Variants in TRIM36 observed in about 807,000 individuals in gnomAD.
The protein encoded by TRIM36 is E3 ubiquitin-protein ligase TRIM36.
A neutral mutation model predicts 72.4 loss-of-function variants in TRIM36; 42 were observed. The observed-to-expected ratio is 0.58, with a 90% confidence interval of 0.45 to 0.75. TRIM36 has a LOEUF of 0.75. TRIM36 is among the 30% of genes least tolerant of loss of function. TRIM36 has a pLI of 0.00. For missense variants in TRIM36, 913 were observed against 857.1 expected (o/e 1.07, Z -0.81); for synonymous variants, 315 against 282.8 (o/e 1.11, Z -1.14).
intron 2 of TRIM36, among the ~76,000 whole-genome samples, chr5:115,157,994 G>C (rs1214455115): frequency 6.6e-6 from 1 of 152,114 alleles, no homozygotes; most frequent in Non-Finnish European, 1.5e-5. Context: ...AGGGACAAAA[G>C]ACTACAAATA....
intron 2 of TRIM36, among the ~76,000 whole-genome samples, chr5:115,150,135 T>C (rs556830855): frequency 6.6e-6 from 1 of 152,224 alleles, no homozygotes; most frequent in East Asian, 1.9e-4. Flanking sequence ...ATTGTTTTCA[T>C]AAAAACAAAC....
chr5:115,170,052 G>T (rs1197486915), upstream of TRIM36: 28 of 901,978 alleles, frequency 3.1e-5, no homozygotes, highest in Non-Finnish European at 1.5e-5. Flanking sequence ...TGTCTGAGTG[G>T]TAGGCTGAGC....
chr5:115,134,126 T>G lies in TRIM36; in HGVS notation c.1232A>C (p.Asn411Thr). ...GTTATAAACTTTGCTCTGTTCCTCA[T>G]TGATCTCTGGCACGTCTATGCCTGA... ...FSSGIDVPEI[N>T]EEQSKVYNNA... The change falls in exon 8 of 10, where the codon AAT (asparagine) becomes ACT (threonine). Residue 411 changes from asparagine to threonine, a missense_variant. Coordinates refer to ENST00000513154, the MANE Select transcript of TRIM36 (RefSeq NM_001300759.2). The G allele has an allele frequency of 6.3e-7, 1 of 1,599,388 alleles. No individual in the cohort carries two copies. The highest frequency in any genetic ancestry group is 8.5e-7 in the Non-Finnish European group (1 of 1,172,332).
intron 2 of TRIM36, among the ~76,000 whole-genome samples, chr5:115,147,648 C>T (rs1489686429): frequency 6.6e-6 from 1 of 151,846 alleles, no homozygotes; most frequent in African/African-American, 2.4e-5. Context: ...ACATAGAATC[C>T]ATATTAAATC....
At chr5:115,175,068 G>A (rs1235498306) in intron 1 of TRIM36, among the ~76,000 whole-genome samples, 1 of 150,194 alleles carries the variant, frequency 6.7e-6, no homozygotes, top group Non-Finnish European at 1.5e-5. Flanking sequence ...TAGTAAATAA[G>A]AACACAATAC....
intron 3 of TRIM36, among the ~76,000 whole-genome samples, chr5:115,146,219 T>C (rs969157409): frequency 2.0e-5 from 3 of 152,328 alleles, no homozygotes; most frequent in Admixed American, 2.0e-4. Flanking sequence ...ATAGCACAGA[T>C]TGTTTTTGCC....
At chr5:115,177,888 A>G (rs879062987) in intron 1 of TRIM36, 5 of 1,613,196 alleles carry the variant, frequency 3.1e-6, no homozygotes, top group South Asian at 1.1e-5. Context: ...GAAGAGAGAG[A>G]CAGAGAGAGA....
upstream of TRIM36, chr5:115,170,045 C>CT (rs2126948026): frequency 2.1e-6 from 2 of 938,294 alleles, no homozygotes; most frequent in Non-Finnish European, 2.6e-6. Flanking sequence ...GGCCGGGTGT[C>CT]TGAGTGGTAG....
At chr5:115,128,593 A>G (rs1176695214) in intron 9 of TRIM36, among the ~76,000 whole-genome samples, 2 of 147,624 alleles carry the variant, frequency 1.4e-5, no homozygotes, top group Admixed American at 1.4e-4. Flanking sequence ...TCTACTAAAA[A>G]TACAAAAAAT....
At chr5:115,127,261 A>C (rs1161881018) in intron 9 of TRIM36, among the ~76,000 whole-genome samples, 1 of 152,230 alleles carries the variant, frequency 6.6e-6, no homozygotes, top group Non-Finnish European at 1.5e-5. Flanking sequence ...TAAGACTATA[A>C]TGAAACTAAA....
chr5:115,127,635 C>T (rs1261513842), intron 9 of TRIM36, among the ~76,000 whole-genome samples: 6 of 152,158 alleles, frequency 3.9e-5, no homozygotes, highest in African/African-American at 1.4e-4. Context: ...TGTAGTGTAA[C>T]CCATTACATG....
At chr5:115,169,914 G>C, upstream of TRIM36, 1 of 1,286,982 alleles carries the variant, frequency 7.8e-7, no homozygotes. Context: ...ACTGCGGCTG[G>C]GAACGGCGCC....
chr5:115,165,414 G>A lies in TRIM36; in HGVS notation c.28-1662C>T, dbSNP rs113335447. On this transcript the variant is annotated intron_variant, in intron 1 of 9. Transcript: ENST00000513154. ...TACATCCTCTGAAATCTAGGCAGAGGTTTCCAAACCTCAACTCTTGACTTT... is the reference window on the plus strand; with the variant it reads ...TACATCCTCTGAAATCTAGGCAGAGATTTCCAAACCTCAACTCTTGACTTT... 3.0e-3 allele frequency among the ~76,000 whole-genome samples: 459 copies of A among 152,330 alleles called. 4 individuals are homozygous for A. Among genetic ancestry groups the A allele is most frequent in the African/African-American group, 0.011 (448 of 41,572 alleles).
intron 1 of TRIM36, among the ~76,000 whole-genome samples, chr5:115,164,979 C>G (rs1754683834): frequency 6.6e-6 from 1 of 152,344 alleles, no homozygotes; most frequent in African/African-American, 2.4e-5. Context: ...CCATGAAAGT[C>G]TGAAACCCAA....
intron 2 of TRIM36, among the ~76,000 whole-genome samples, chr5:115,157,831 G>A (rs1410596501): frequency 6.6e-6 from 1 of 152,178 alleles, no homozygotes; most frequent in Non-Finnish European, 1.5e-5. Context: ...GATGAGACTG[G>A]AGACTATTAT....
intron 1 of TRIM36, chr5:115,169,195 G>A (rs562041283): frequency 4.0e-5 from 7 of 173,730 alleles, no homozygotes; most frequent in Non-Finnish European, 7.3e-5. Context: ...GCAGCCGGCC[G>A]GGCCCGCGGG....
At position 115,144,663 on chromosome 5, in the gene TRIM36, T is replaced by C; in HGVS notation, c.670A>G (p.Lys224Glu). 1 of 1,614,138 alleles carries C rather than the reference T, an allele frequency of 6.2e-7. No individual in the cohort carries two copies. Among genetic ancestry groups the C allele is most frequent in the Non-Finnish European group, 8.5e-7 (1 of 1,180,016 alleles). ...TGGTTGGCATGATTACCACCCAACT[T>C]ACACAGATGGCAAACTGGCCTCCTA... ...LCRRPVCHLC[K>E]LGGNHANHRV... is the part of the protein sequence containing the mutation. The change falls in exon 4 of 10, where the codon AAG becomes GAG. Residue 224 changes from lysine to glutamate, a missense_variant. Coordinates refer to ENST00000513154, the MANE Select transcript of TRIM36 (RefSeq NM_001300759.2).
chr5:115,161,455 G>C (rs1379891700), intron 2 of TRIM36, among the ~76,000 whole-genome samples: 1 of 152,178 alleles, frequency 6.6e-6, no homozygotes, highest in Non-Finnish European at 1.5e-5. Context: ...AAAGTCTTCA[G>C]ATACTGATGG....
At chr5:115,133,369 T>C (rs1274746171) in intron 8 of TRIM36, among the ~76,000 whole-genome samples, 1 of 152,142 alleles carries the variant, frequency 6.6e-6, no homozygotes, top group African/African-American at 2.4e-5. Context: ...AAGCTATTCA[T>C]GTGGTTCTAA....
Sources: allele counts gnomAD v4.1 joint callset (sites outside exome capture counted in the v4.1 genomes callset), GRCh38; gene constraint gnomAD v4.1.1; transcripts MANE v1.5; gene names NCBI Gene and HGNC (gene_info 2026-07-23, HGNC 2026-07-21).